SMARCA4: variants seen among roughly 807,000 people sequenced by gnomAD.
The protein encoded by SMARCA4 is SWI/SNF related BAF chromatin remodeling complex subunit ATPase 4, also known as SWI/SNF-related matrix-associated actin-dependent regulator of chromatin subfamily A member 4.
A neutral mutation model predicts 193.9 loss-of-function variants in SMARCA4; 31 were observed. The observed-to-expected ratio is 0.16, with a 90% confidence interval of 0.12 to 0.22. The LOEUF is 0.22. Among genes scored for constraint, SMARCA4 ranks in the 10% least tolerant of loss-of-function variants. The pLI, the probability that SMARCA4 is intolerant of heterozygous loss-of-function variation, is 1.00. For missense variants in SMARCA4, 1,148 were observed against 2,296.0 expected, an observed-to-expected ratio of 0.50 and a Z score of 10.22; for synonymous variants, 942 against 933.1, an observed-to-expected ratio of 1.01 and a Z score of -0.17.
chr19:11,029,201 C>G (rs369899188), intron 24 of SMARCA4, among the ~76,000 whole-genome samples: 4 of 152,232 alleles, frequency 2.6e-5, no homozygotes, highest in African/African-American at 9.6e-5. Flanking sequence ...GGCCACCCCC[C>G]ACCCTTTCCT....
At chr19:10,975,742 G>A (rs1177592280) in intron 1 of SMARCA4, among the ~76,000 whole-genome samples, 1 of 152,176 alleles carries the variant, frequency 6.6e-6, no homozygotes, top group Non-Finnish European at 1.5e-5. Flanking sequence ...TTTGGCCCAG[G>A]GAAAGGGTTA....
chr19:11,010,238 C>A, intron 14 of SMARCA4, 143 bp from the exon 15 acceptor site: 1 of 952,102 alleles, frequency 1.1e-6, no homozygotes, highest in Admixed American at 1.8e-5. Flanking sequence ...TCACACTGTC[C>A]GGCTGCACCT....
At position 11,021,589 on chromosome 19, in the gene SMARCA4, CA is replaced by C. The variant is rs754668999; in HGVS notation, c.2617-135del. ...GTGAGTCAGCCCCGGGGCAGGACGTCAGGCCTGTGCTCTCCACCCAGCTGCG... is the reference window on the plus strand; with the variant it reads ...GTGAGTCAGCCCCGGGGCAGGACGTCGGCCTGTGCTCTCCACCCAGCTGCG... On this transcript the variant is annotated intron_variant, in intron 18 of 34. Transcript: ENST00000344626. 2.7e-6 allele frequency: 3 copies of C among 1,122,732 alleles called. No homozygotes were observed. The South Asian group carries it at 4.0e-5, about 15-fold the overall frequency. The allele number at this position is 1,122,732 out of a possible 1,614,324, so 69.5% of individuals were successfully genotyped here.
Position 11,031,117 on chromosome 19 carries a change from C to T in SMARCA4, c.3546+224C>T. On this transcript the variant is annotated intron_variant, in intron 25 of 34. Coordinates refer to ENST00000344626, the MANE Select transcript of SMARCA4 (RefSeq NM_003072.5). This position sits in a 1 kb window ranked among gnomAD's most constrained non-coding sequence, Gnocchi z 4.3. ...CAGCCTTTCCCTCTGATTGGGAAAG[C>T]AGTGTATAAGCCATCCGTCGGTTTG... 1.7e-6 allele frequency: 1 copy of T among 593,964 alleles called. No individual in the cohort carries two copies. The highest frequency in any genetic ancestry group is 2.9e-5 in the East Asian group (1 of 34,158). 36.8% of individuals were successfully genotyped at this position (593,964 alleles called of 1,614,324 possible). A position where few individuals can be genotyped will look rare whatever the true frequency, so the allele number is the denominator to read the frequency against.
chr19:11,015,406 C>G (rs1600225779), intron 16 of SMARCA4, among the ~76,000 whole-genome samples: 1 of 152,108 alleles, frequency 6.6e-6, no homozygotes, highest in African/African-American at 2.4e-5. Flanking sequence ...CTGATCGGAC[C>G]TTTGGTAGAC....
rs189538391 is a variant in SMARCA4 at position 10,982,379 on chromosome 19, C to T, written c.-31-1742C>T. On this transcript the variant is annotated intron_variant, in intron 1 of 34. Coordinates refer to ENST00000344626, the MANE Select transcript of SMARCA4 (RefSeq NM_003072.5). Reference sequence around the variant, plus strand: ...ATCCCAACTACTCAGGAGGCTGAGGCAGGAGAATTGCTTGAACCTGGGAGG... The same window carrying T: ...ATCCCAACTACTCAGGAGGCTGAGGTAGGAGAATTGCTTGAACCTGGGAGG... 3.5e-3 allele frequency among the ~76,000 whole-genome samples: 532 copies of T among 152,176 alleles called. 6 individuals are homozygous for T. The highest frequency in any genetic ancestry group is 0.012 in the African/African-American group (494 of 41,562).
At chr19:10,998,152 C>G (rs545198345) in intron 11 of SMARCA4, among the ~76,000 whole-genome samples, 3 of 152,286 alleles carry the variant, frequency 2.0e-5, no homozygotes, top group African/African-American at 7.2e-5. Context: ...CTTCCAAAGG[C>G]TGTGATTATA....
chr19:10,964,738 C>T lies in SMARCA4; in HGVS notation c.-32+3564C>T, dbSNP rs548804353. Among the ~76,000 whole-genome samples the T allele has an allele frequency of 2.6e-5, 4 of 152,228 alleles. No individual in the cohort carries two copies. The East Asian group carries it at 5.8e-4, about 22-fold the overall frequency. On this transcript the variant is annotated intron_variant, in intron 1 of 34. Coordinates refer to ENST00000344626, the MANE Select transcript of SMARCA4 (RefSeq NM_003072.5). ...TCTCAAGCGATTCTCATGCCTCAGC[C>T]TCTGGAGTGGATGGGACTAAGGACG...
rs2076928597 is a variant in SMARCA4 at position 11,062,130 on chromosome 19, C to T, written c.*314C>T. On this transcript the variant is annotated 3_prime_UTR_variant, in exon 35 of 35. Coordinates refer to ENST00000344626, the MANE Select transcript of SMARCA4 (RefSeq NM_003072.5). The stretch of plus-strand genomic sequence containing the variant: ...ACTGTTGCGCCGCAGTTTGGAGTCA[C>T]TGTAGTTAAGTGTGGATGCATGTGC... 6.2e-6 allele frequency: 3 copies of T among 487,502 alleles called. No homozygotes were observed. The highest frequency in any genetic ancestry group is 1.1e-5 in the Non-Finnish European group (3 of 265,548). 30.2% of individuals were successfully genotyped at this position (487,502 alleles called of 1,614,324 possible).
At chr19:10,988,721 T>A (rs1014919425) in intron 6 of SMARCA4, among the ~76,000 whole-genome samples, 1 of 152,204 alleles carries the variant, frequency 6.6e-6, no homozygotes, top group Non-Finnish European at 1.5e-5. Flanking sequence ...TTATTTTTTT[T>A]AAATCTCCTT....
chr19:11,037,256 G>A (rs902510870), intron 29 of SMARCA4, among the ~76,000 whole-genome samples: 2 of 152,142 alleles, frequency 1.3e-5, no homozygotes, highest in African/African-American at 2.4e-5. Flanking sequence ...TGGTGGCTAC[G>A]CCAGTTCACA....
rs1236650781 is a variant in SMARCA4, at chr19:11,053,465, AAAAG to A, written c.4425-4782_4425-4779del. On this transcript the variant is annotated intron_variant, in intron 30 of 34. Coordinates refer to ENST00000344626, the MANE Select transcript of SMARCA4 (RefSeq NM_003072.5). ...AGACTCCGTCTCAAAAAAAAAAAAA[AAAAG>A]AAAGAAATTCAAATCTCAGTGTCGA... Among the ~76,000 whole-genome samples the A allele has an allele frequency of 6.4e-4, 97 of 151,732 alleles. 3 individuals carry two copies. The highest frequency in any genetic ancestry group is 8.4e-4 in the Non-Finnish European group (57 of 67,888).
chr19:10,998,931 C>T (rs1311106020), intron 11 of SMARCA4, among the ~76,000 whole-genome samples: 1 of 150,544 alleles, frequency 6.6e-6, no homozygotes, highest in African/African-American at 2.4e-5. Context: ...GACGGGGTCT[C>T]CCTGTGTCAC....
intron 1 of SMARCA4, among the ~76,000 whole-genome samples, chr19:10,978,608 G>A (rs1391087208): frequency 2.0e-5 from 3 of 151,166 alleles, no homozygotes; most frequent in African/African-American, 7.3e-5. Context: ...TTACAGGTAT[G>A]AGCCATCACG....
Position 11,061,773 on chromosome 19 carries a change from C to T in SMARCA4, c.4912-11C>T, listed in dbSNP as rs2076915362. Reference sequence around the variant, plus strand: ...GCCAACGCACACTCTCTCCTCCTGTCCCCTCTCCAGGACCGCTCAGGAAGT... The same window carrying T: ...GCCAACGCACACTCTCTCCTCCTGTTCCCTCTCCAGGACCGCTCAGGAAGT... On this transcript the variant is annotated splice_polypyrimidine_tract_variant and intron_variant, in intron 34 of 34. Coordinates refer to ENST00000344626, the MANE Select transcript of SMARCA4 (RefSeq NM_003072.5). 1 of 1,613,238 alleles carries T rather than the reference C, an allele frequency of 6.2e-7. No individual in the cohort carries two copies. Among genetic ancestry groups the T allele is most frequent in the African/African-American group, 1.3e-5 (1 of 74,930 alleles).
In SMARCA4 at chr19:11,021,289, C is replaced by G. The variant is rs1422163526; in HGVS notation, c.2617-436C>G. ...GCCCCTACCCCATGGGGCCCACATT[C>G]TGAACCACAGGCTGCTCATTAGAAA... On this transcript the variant is annotated intron_variant, in intron 18 of 34. Coordinates refer to ENST00000344626, the MANE Select transcript of SMARCA4 (RefSeq NM_003072.5). 1.7e-5 allele frequency: 6 copies of G among 347,088 alleles called. No individual in the cohort carries two copies. In the East Asian group the frequency reaches 4.5e-4, roughly 26 times the overall value. The allele number at this position is 347,088 out of a possible 1,614,324, so 21.5% of individuals were successfully genotyped here. A position where few individuals can be genotyped will look rare whatever the true frequency, so the allele number is the denominator to read the frequency against.
chr19:11,050,622 A>G (rs553369386), intron 30 of SMARCA4, among the ~76,000 whole-genome samples: 6 of 152,322 alleles, frequency 3.9e-5, no homozygotes, highest in Admixed American at 2.6e-4. Context: ...CTGCCTTTCC[A>G]CAAGCACTGT....
At chr19:11,061,200 A>ATAT (rs1555796973) in intron 34 of SMARCA4, among the ~76,000 whole-genome samples, 89 of 70,446 alleles carry the variant, frequency 1.3e-3, no homozygotes, top group Non-Finnish European at 1.8e-3. Context: ...AAAAAAAAAA[A>ATAT]AAAAATATAT....
chr19:10,989,570 A>C (rs1015873115), intron 7 of SMARCA4, 127 bp downstream of exon 7: 19 of 1,048,064 alleles, frequency 1.8e-5, no homozygotes, highest in African/African-American at 9.4e-5. Flanking sequence ...AGCCGTGGCC[A>C]TCCATGGGCA....
Sources: allele counts gnomAD v4.1 joint callset (sites outside exome capture counted in the v4.1 genomes callset), GRCh38; gene constraint gnomAD v4.1.1; non-coding constraint Gnocchi (gnomAD v3.1); transcripts MANE v1.5; gene names NCBI Gene and HGNC (gene_info 2026-07-23, HGNC 2026-07-21).